KLF12: variants seen among roughly 807,000 people sequenced by gnomAD.
KLF12 encodes KLF transcription factor 12, also known as Krueppel-like factor 12.
A neutral mutation model predicts 37.8 loss-of-function variants in KLF12; 9 were observed. The ratio of observed to expected loss-of-function variants is 0.24; its 90% CI spans 0.14 to 0.42. The LOEUF (loss-of-function observed/expected upper bound fraction) is 0.42. Among genes scored for constraint, KLF12 ranks in the 10% least tolerant of loss-of-function variants. The pLI is 1.00. For synonymous variants in KLF12, 208 were observed against 202.1 expected, an observed-to-expected ratio of 1.03 and a Z score of -0.25; for missense variants, 411 against 516.0, an observed-to-expected ratio of 0.80 and a Z score of 1.97.
intron 2 of KLF12, among the ~76,000 whole-genome samples, chr13:73,976,320 C>T (rs55871505): frequency 0.044 from 6,713 of 152,152 alleles, 301 homozygotes; most frequent in African/African-American, 0.11. Context: ...CCCTCTGGAG[C>T]ACCTCGAAGT....
intron 3 of KLF12, among the ~76,000 whole-genome samples, chr13:73,940,405 C>T (rs1159933270): frequency 6.6e-6 from 1 of 152,126 alleles, no homozygotes; most frequent in Non-Finnish European, 1.5e-5. Context: ...TTTCACTTAA[C>T]TAAAAATGCA....
intron 2 of KLF12, among the ~76,000 whole-genome samples, chr13:73,982,333 G>T (rs907057160): frequency 6.6e-6 from 1 of 152,212 alleles, no homozygotes; most frequent in African/African-American, 2.4e-5. Flanking sequence ...AGGAGGAGGA[G>T]GAGGTTCCAT....
At chr13:73,742,112 T>A (rs1878041607) in intron 6 of KLF12, among the ~76,000 whole-genome samples, 1 of 151,994 alleles carries the variant, frequency 6.6e-6, no homozygotes, top group African/African-American at 2.4e-5. Flanking sequence ...GTCAACAAAG[T>A]CAATTTAATA....
the KLF12 span, among the ~76,000 whole-genome samples, chr13:74,252,325 T>G: frequency 6.6e-6 from 1 of 152,222 alleles, no homozygotes; most frequent in Non-Finnish European, 1.5e-5. Context: ...TTGTGACTGC[T>G]GCAGGGCCTG....
intron 1 of KLF12, among the ~76,000 whole-genome samples, chr13:74,002,989 C>G (rs1341248843): frequency 6.6e-6 from 1 of 152,152 alleles, no homozygotes; most frequent in Non-Finnish European, 1.5e-5. Context: ...AATGTTTTAC[C>G]ATATGGTTAA....
At chr13:73,908,725 C>T (rs907999253) in intron 3 of KLF12, among the ~76,000 whole-genome samples, 3 of 152,026 alleles carry the variant, frequency 2.0e-5, no homozygotes, top group Non-Finnish European at 4.4e-5. Context: ...GGTGATCTGC[C>T]CGCCTAGGCC....
chr13:73,800,329 A>C (rs566808761), intron 5 of KLF12: 42 of 152,142 alleles, frequency 2.8e-4, no homozygotes, highest in Non-Finnish European at 5.0e-4. Context: ...AGGTCACTAC[A>C]TGAGTCTAGT....
chr13:73,826,922 C>A (rs761546882), intron 4 of KLF12, among the ~76,000 whole-genome samples: 1 of 152,146 alleles, frequency 6.6e-6, no homozygotes, highest in Non-Finnish European at 1.5e-5. Flanking sequence ...GCTGGGACTA[C>A]AGGTGTGGGC....
chr13:74,058,339 T>C (rs1007651352), intron 1 of KLF12, among the ~76,000 whole-genome samples: 2 of 144,522 alleles, frequency 1.4e-5, no homozygotes, highest in Non-Finnish European at 3.0e-5. Flanking sequence ...AAGGAATTTA[T>C]CTCATAATTT....
the KLF12 span, among the ~76,000 whole-genome samples, chr13:74,288,882 C>T: frequency 2.6e-5 from 4 of 152,190 alleles, no homozygotes; most frequent in African/African-American, 9.7e-5. Flanking sequence ...AGCACCTGCT[C>T]CCCACTGGTC....
At chr13:73,938,368 C>G (rs1219684763) in intron 3 of KLF12, among the ~76,000 whole-genome samples, 1 of 152,180 alleles carries the variant, frequency 6.6e-6, no homozygotes, top group African/African-American at 2.4e-5. Flanking sequence ...AGTAAACATT[C>G]CATAGCACAT....
intron 3 of KLF12, among the ~76,000 whole-genome samples, chr13:73,927,617 C>T (rs563354902): frequency 6.6e-6 from 1 of 152,046 alleles, no homozygotes; most frequent in Non-Finnish European, 1.5e-5. Context: ...TGCTCTGTTG[C>T]CCAGGCTGGA....
chr13:73,842,733 T>A (rs1024977869), intron 4 of KLF12, among the ~76,000 whole-genome samples: 1 of 152,344 alleles, frequency 6.6e-6, no homozygotes, highest in Non-Finnish European at 1.5e-5. Context: ...CTATCGTATT[T>A]TCCTTTGCTC....
At chr13:74,122,977 A>G (rs1212774298) in intron 1 of KLF12, among the ~76,000 whole-genome samples, 1 of 150,988 alleles carries the variant, frequency 6.6e-6, no homozygotes, top group African/African-American at 2.4e-5. Flanking sequence ...AAAAAAAAAA[A>G]AAGAATGAAT....
chr13:74,187,599 A>G, the KLF12 span, among the ~76,000 whole-genome samples: 7 of 152,334 alleles, frequency 4.6e-5, no homozygotes, highest in Admixed American at 4.6e-4. Context: ...TTGGGAACAT[A>G]GTAGACAGTA....
chr13:73,777,648 C>T (rs571702086), intron 5 of KLF12, among the ~76,000 whole-genome samples: 5 of 150,598 alleles, frequency 3.3e-5, no homozygotes, highest in South Asian at 2.1e-4. Context: ...GCAGAGGTTG[C>T]GGTGAGCCAA....
At chr13:74,183,194 A>T in the KLF12 span, among the ~76,000 whole-genome samples, 2 of 152,180 alleles carry the variant, frequency 1.3e-5, no homozygotes. Flanking sequence ...TGGGGATACA[A>T]AGATGAATAT....
chr13:74,281,826 A>C, the KLF12 span, among the ~76,000 whole-genome samples: 1 of 152,210 alleles, frequency 6.6e-6, no homozygotes, highest in South Asian at 2.1e-4. Flanking sequence ...GTTTGAAATA[A>C]ATGGAAACTG....
chr13:74,135,038 G>GGCGGTGCCCCCCGCGC (rs1416970982), upstream of KLF12, among the ~76,000 whole-genome samples: 2 of 151,480 alleles, frequency 1.3e-5, no homozygotes, highest in Non-Finnish European at 2.9e-5. Context: ...CAGCCCCGCG[G>GGCGGTGCCCCCCGCGC]GCGGTGCCCC....
Sources: gnomAD v4.1 joint callset for allele counts (sites outside exome capture counted in the v4.1 genomes callset) on GRCh38, gnomAD v4.1.1 for gene constraint, MANE v1.5 for transcripts, NCBI Gene and HGNC (gene_info 2026-07-23, HGNC 2026-07-21) for gene names.